The following SGCD variants were observed in gnomAD, a reference collection of about 807,000 sequenced individuals.
The protein encoded by SGCD is sarcoglycan delta, also known as delta-sarcoglycan.
In SGCD, 18 loss-of-function variants were observed where a neutral mutation model predicts 36.6. The ratio of observed to expected loss-of-function variants is 0.49; its 90% CI spans 0.34 to 0.73. The LOEUF (loss-of-function observed/expected upper bound fraction) is 0.73, where lower values mean the gene tolerates loss of function less well. Among genes scored for constraint, SGCD ranks in the 30% least tolerant of loss-of-function variants. The pLI is 0.01. For missense variants in SGCD, 387 were observed against 346.7 expected, an observed-to-expected ratio of 1.12 and a Z score of -0.92; for synonymous variants, 133 against 130.6, an observed-to-expected ratio of 1.02 and a Z score of -0.12.
At chr5:156,619,447 C>A (rs966406706) in intron 6 of SGCD, among the ~76,000 whole-genome samples, 2 of 152,292 alleles carry the variant, frequency 1.3e-5, no homozygotes, top group East Asian at 1.9e-4. Context: ...CATCTGTTGG[C>A]CTGTTTTTAT....
At chr5:156,657,008 G>T (rs1462357629) in intron 7 of SGCD, among the ~76,000 whole-genome samples, 1 of 152,100 alleles carries the variant, frequency 6.6e-6, no homozygotes, top group Non-Finnish European at 1.5e-5. Flanking sequence ...ATTAGACAAG[G>T]CTTGCACAAG....
intron 1 of SGCD, among the ~76,000 whole-genome samples, chr5:155,883,365 A>G (rs78472029): frequency 0.19 from 29,093 of 152,132 alleles, 3,646 homozygotes; most frequent in Admixed American, 0.42. Flanking sequence ...GGCTTTCTAC[A>G]TGCCTTCCTC....
At chr5:156,265,018 T>C (rs745826614) in intron 3 of SGCD, among the ~76,000 whole-genome samples, 6 of 152,016 alleles carry the variant, frequency 3.9e-5, no homozygotes, top group Non-Finnish European at 7.4e-5. Context: ...TGGGGAGAAG[T>C]GAGCAACCCA....
At chr5:156,279,984 A>ACAAAC in intron 3 of SGCD, among the ~76,000 whole-genome samples, 1 of 148,634 alleles carries the variant, frequency 6.7e-6, no homozygotes, top group African/African-American at 2.5e-5. Flanking sequence ...CACACATACA[A>ACAAAC]ACACACACAC....
At chr5:156,741,868 T>C (rs192785342) in intron 7 of SGCD, among the ~76,000 whole-genome samples, 63 of 151,912 alleles carry the variant, frequency 4.1e-4, no homozygotes, top group Non-Finnish European at 6.9e-4. Context: ...AATTATGTTT[T>C]CAGGTTTTTT....
At chr5:156,268,876 G>A (rs1163867998) in intron 3 of SGCD, among the ~76,000 whole-genome samples, 1 of 152,166 alleles carries the variant, frequency 6.6e-6, no homozygotes, top group South Asian at 2.1e-4. Flanking sequence ...TTACAGGCAT[G>A]AGCCACTGTG....
the SGCD span, among the ~76,000 whole-genome samples, chr5:155,780,473 T>G: frequency 6.6e-6 from 1 of 152,158 alleles, no homozygotes; most frequent in African/African-American, 2.4e-5. Flanking sequence ...AAAGGAAAAT[T>G]CGAAATCCCC....
At chr5:155,842,714 AAATT>A in the SGCD span, among the ~76,000 whole-genome samples, 1 of 152,246 alleles carries the variant, frequency 6.6e-6, no homozygotes, top group Non-Finnish European at 1.5e-5. Context: ...GAATTTTAAT[AAATT>A]AGCACAGCAT....
chr5:156,314,892 A>T (rs529131411), intron 3 of SGCD, among the ~76,000 whole-genome samples: 1 of 151,936 alleles, frequency 6.6e-6, no homozygotes, highest in African/African-American at 2.4e-5. Context: ...TTTCAGTTAC[A>T]TTACTTTTTC....
At chr5:156,370,981 A>G (rs1229733742) in intron 3 of SGCD, among the ~76,000 whole-genome samples, 1 of 150,948 alleles carries the variant, frequency 6.6e-6, no homozygotes, top group South Asian at 2.1e-4. Flanking sequence ...TGGAAGGGGG[A>G]AAAAAAAACA....
At chr5:156,723,030 C>T (rs1191540959) in intron 7 of SGCD, among the ~76,000 whole-genome samples, 1 of 152,208 alleles carries the variant, frequency 6.6e-6, no homozygotes, top group Non-Finnish European at 1.5e-5. Flanking sequence ...AACGAATATG[C>T]CTACTGGAAG....
At chr5:156,678,381 A>G (rs900657869) in intron 7 of SGCD, among the ~76,000 whole-genome samples, 7 of 152,206 alleles carry the variant, frequency 4.6e-5, no homozygotes, top group Admixed American at 6.5e-5. Flanking sequence ...AAGTTTTAGA[A>G]TAACTATTAG....
intron 3 of SGCD, among the ~76,000 whole-genome samples, chr5:156,500,728 G>A (rs1409701159): frequency 6.6e-6 from 1 of 152,200 alleles, no homozygotes; most frequent in Non-Finnish European, 1.5e-5. Flanking sequence ...CACTCTGGGT[G>A]TTTTTCATCA....
chr5:155,921,218 G>A (rs1323092770), intron 1 of SGCD, among the ~76,000 whole-genome samples: 1 of 152,132 alleles, frequency 6.6e-6, no homozygotes, highest in Admixed American at 6.6e-5. Flanking sequence ...TTGAAATTTG[G>A]TATTTCTTGG....
intron 3 of SGCD, among the ~76,000 whole-genome samples, chr5:156,206,007 A>T (rs566914888): frequency 0.017 from 2,538 of 147,648 alleles, 79 homozygotes; most frequent in African/African-American, 0.055. Context: ...TATATATATT[A>T]TATATTATAT....
chr5:156,758,410 A>T (rs1047315772), intron 8 of SGCD, among the ~76,000 whole-genome samples: 1 of 151,840 alleles, frequency 6.6e-6, no homozygotes, highest in Non-Finnish European at 1.5e-5. Context: ...TTTAAGAAAA[A>T]TGCTATTCCA....
intron 3 of SGCD, among the ~76,000 whole-genome samples, chr5:156,303,111 G>C (rs547622260): frequency 4.3e-4 from 66 of 152,306 alleles, no homozygotes; most frequent in Non-Finnish European, 8.1e-4. Context: ...CCATCTGGGA[G>C]GTAGGGTCTG....
At chr5:156,306,061 G>A (rs1767203473) in intron 3 of SGCD, among the ~76,000 whole-genome samples, 1 of 152,150 alleles carries the variant, frequency 6.6e-6, no homozygotes, top group South Asian at 2.1e-4. Context: ...TTTGACTGTG[G>A]ACTTTTAAGT....
chr5:156,412,325 T>C (rs1772804559), intron 3 of SGCD, among the ~76,000 whole-genome samples: 1 of 152,226 alleles, frequency 6.6e-6, no homozygotes, highest in African/African-American at 2.4e-5. Context: ...ACCAGGTATA[T>C]AAAAGTTCTT....
Sources: gnomAD v4.1 joint callset for allele counts (sites outside exome capture counted in the v4.1 genomes callset) on GRCh38, gnomAD v4.1.1 for gene constraint, MANE v1.5 for transcripts, NCBI Gene and HGNC (gene_info 2026-07-23, HGNC 2026-07-21) for gene names.